The following SARM1 variants were observed in gnomAD, a reference collection of about 807,000 sequenced individuals.
The protein encoded by SARM1 is sterile alpha and TIR motif containing 1.
In SARM1, 60 loss-of-function variants were observed where a neutral mutation model predicts 65.1. That is an observed-to-expected ratio of 0.92 (90% CI 0.75 to 1.14). The LOEUF (loss-of-function observed/expected upper bound fraction) is 1.14. Ranked by LOEUF, SARM1 falls within the 50% of genes most tolerant of loss-of-function variation. SARM1 has a pLI of 0.00. For missense variants in SARM1, 913 were observed against 1,015.7 expected (o/e 0.90, Z 1.37); for synonymous variants, 417 against 465.4 (o/e 0.90, Z 1.34).
At position 28,391,940 on chromosome 17, in the gene SARM1, G is replaced by A. The variant is rs147494421; in HGVS notation, c.1923+3401G>A. On this transcript the variant is annotated intron_variant, in intron 7 of 8. Transcript: ENST00000585482. ...TCGCTATGTCACCCAGGCTGGTCCC[G>A]AACTCCTGAGCTCAAGCCTGGAGTT... Among the ~76,000 whole-genome samples the A allele has an allele frequency of 4.9e-4, 69 of 141,646 alleles. 1 individual carries two copies. The East Asian group carries it at 0.014, about 28-fold the overall frequency. The allele number at this position is 141,646 out of a possible 152,430, so 92.9% of individuals were successfully genotyped here.
chr17:28,394,496 C>T (rs1271673012), intron 7 of SARM1, among the ~76,000 whole-genome samples: 2 of 152,212 alleles, frequency 1.3e-5, no homozygotes, highest in Admixed American at 1.3e-4. Flanking sequence ...CTGGGTATCC[C>T]GCAATTCAAT....
rs782421919 is a variant in SARM1, at chr17:28,385,149, A to G, written c.1504A>G (p.Thr502Ala). 2 of 1,613,104 alleles carry G rather than the reference A, an allele frequency of 1.2e-6. No individual in the cohort carries two copies. Among genetic ancestry groups the G allele is most frequent in the Non-Finnish European group, 8.5e-7 (1 of 1,179,750 alleles). Residue 502 changes from threonine (T) to alanine (A), a missense_variant, in exon 5 of 9, where the codon ACC becomes GCC. By Grantham distance (58) the Thr-to-Ala change is moderately conservative. Transcript: ENST00000585482. The surrounding 1 kb of genome is among the most constrained non-coding windows in gnomAD (Gnocchi z 4.5). ...CCTGGACCCGCGCTTCCGCCAGTAC[A>G]CCTACGGCCTGGTCAGCTGCGGCCT... ...GSLDPRFRQY[T>A]YGLVSCGLDR...
rs2068042696 is a variant in SARM1 at position 28,384,934 on chromosome 17, C to G, written c.1394+4C>G. On this transcript the variant is annotated splice_donor_region_variant and intron_variant, in intron 4 of 8. Coordinates refer to ENST00000585482, the MANE Select transcript of SARM1 (RefSeq NM_015077.4). The surrounding 1 kb of genome is among the most constrained non-coding windows in gnomAD (Gnocchi z 4.4). ...AATCGGGCATCACCCGCAAGAGGTA[C>G]GGAGCCTCCTGCCCGCCGGACCCCA... 6.4e-7 allele frequency: 1 copy of G among 1,570,008 alleles called. No homozygotes were observed. The highest frequency in any genetic ancestry group is 8.6e-7 in the Non-Finnish European group (1 of 1,157,562).
Position 28,400,594 on chromosome 17 carries a change from C to T in SARM1, c.*4308C>T. The stretch of plus-strand genomic sequence containing the variant: ...AAGGGCTCCATTATGAGCATGGGTT[C>T]AGGGCCCTGCATTACCCAATCAGAA... On this transcript the variant is annotated 3_prime_UTR_variant, in exon 9 of 9. Coordinates refer to ENST00000585482, the MANE Select transcript of SARM1 (RefSeq NM_015077.4). 1.2e-6 allele frequency: 2 copies of T among 1,613,446 alleles called. No homozygotes were observed. The highest frequency in any genetic ancestry group is 1.7e-6 in the Non-Finnish European group (2 of 1,179,704).
chr17:28,391,727 A>AAG (rs59822059), intron 7 of SARM1, among the ~76,000 whole-genome samples: 55,874 of 114,860 alleles, frequency 0.49, 15,101 homozygotes, highest in East Asian at 0.68. Context: ...AAAAAAAAAA[A>AAG]AGAGAGAGAG....
Position 28,372,562 on chromosome 17 carries a change from C to A in SARM1, c.470+60C>A. The A allele has an allele frequency of 7.4e-7, 1 of 1,347,970 alleles. No homozygotes were observed. Among genetic ancestry groups the A allele is most frequent in the African/African-American group, 1.5e-5 (1 of 66,112 alleles). 83.5% of individuals were successfully genotyped at this position (1,347,970 alleles called of 1,614,324 possible). A position where few individuals can be genotyped will look rare whatever the true frequency, so the allele number is the denominator to read the frequency against. ...CGTGGTGTGGACAGTTAAGCGCCTG[C>A]GTTCCCGTGTGCCTTGCGCCGTGCC... On this transcript the variant is annotated intron_variant, in intron 1 of 8. Transcript: ENST00000585482. The surrounding 1 kb of genome is among the most constrained non-coding windows in gnomAD (Gnocchi z 5.2).
chr17:28,384,331 C>T lies in SARM1; in HGVS notation c.1090-26C>T. On this transcript the variant is annotated intron_variant, in intron 2 of 8. Transcript: ENST00000585482. This position sits in a 1 kb window ranked among gnomAD's most constrained non-coding sequence, Gnocchi z 4.4. ...GCACCTGGAGAGCTGGTGGGACCTA[C>T]AGCCCTCTCCCCACTCCCTCCCTAG... The T allele has an allele frequency of 6.5e-7, 1 of 1,538,540 alleles. No individual in the cohort carries two copies. Among genetic ancestry groups the T allele is most frequent in the Non-Finnish European group, 8.8e-7 (1 of 1,139,886 alleles).
Position 28,400,583 on chromosome 17 carries a change from G to A in SARM1, c.*4297G>A, listed in dbSNP as rs576590466. On this transcript the variant is annotated 3_prime_UTR_variant, in exon 9 of 9. Transcript: ENST00000585482. The stretch of plus-strand genomic sequence containing the variant: ...CTTTTAAGAGAAAGGGCTCCATTAT[G>A]AGCATGGGTTCAGGGCCCTGCATTA... 11 of 1,612,796 alleles carry A rather than the reference G, an allele frequency of 6.8e-6. No individual in the cohort carries two copies. In the Admixed American group the frequency reaches 8.3e-5, roughly 12 times the overall value.
chr17:28,386,471 C>T (rs1433510432), intron 5 of SARM1: 1 of 151,566 alleles, frequency 6.6e-6, no homozygotes, highest in African/African-American at 2.4e-5. Context: ...TTCCCACAGT[C>T]ATAAAAGTCA....
At position 28,384,895 on chromosome 17, in the gene SARM1, C is replaced by T. The variant is rs1555585750; in HGVS notation, c.1359C>T (p.Thr453=). 2.6e-6 allele frequency: 4 copies of T among 1,562,868 alleles called. No individual in the cohort carries two copies. Among genetic ancestry groups the T allele is most frequent in the Non-Finnish European group, 3.5e-6 (4 of 1,153,698 alleles). The change falls in exon 4 of 9, where the codon ACC becomes ACT. Residue 453 remains threonine, a synonymous_variant. Transcript: ENST00000585482. The surrounding 1 kb of genome is among the most constrained non-coding windows in gnomAD (Gnocchi z 4.4). ...LLRLTEEELQ[T]DLGMKSGITR... is the part of the protein sequence containing the mutation. The stretch of plus-strand genomic sequence containing the variant: ...GGCTCACGGAGGAGGAACTCCAGAC[C>T]GACCTGGGCATGAAATCGGGCATCA...
chr17:28,399,747 T>C lies in SARM1; in HGVS notation c.*3461T>C. The C allele has an allele frequency of 6.2e-7, 1 of 1,612,738 alleles. No homozygotes were observed. The highest frequency in any genetic ancestry group is 1.1e-5 in the South Asian group (1 of 91,038). The stretch of plus-strand genomic sequence containing the variant: ...GACCAGAGAGAGAGTTTGGATTTCA[T>C]GTGGGGAACCCTCAAGGCCTGTCTG... On this transcript the variant is annotated 3_prime_UTR_variant, in exon 9 of 9. Coordinates refer to ENST00000585482, the MANE Select transcript of SARM1 (RefSeq NM_015077.4).
chr17:28,395,530 T>C (rs1296283401), intron 7 of SARM1: 2 of 191,006 alleles, frequency 1.0e-5, no homozygotes, highest in Non-Finnish European at 2.2e-5. Flanking sequence ...GGCTGGGAGG[T>C]GGGGCTGAAA....
rs113635549 is a variant in SARM1, at chr17:28,371,760, A to C, written c.-273A>C. 37,578 of 348,908 alleles carry C rather than the reference A, an allele frequency of 0.11. 2,430 individuals are homozygous for C. Among genetic ancestry groups the C allele is most frequent in the East Asian group, 0.18 (4,086 of 22,630 alleles). The allele number at this position is 348,908 out of a possible 1,614,324, so 21.6% of individuals were successfully genotyped here. On this transcript the variant is annotated 5_prime_UTR_variant, in exon 1 of 9. Coordinates refer to ENST00000585482, the MANE Select transcript of SARM1 (RefSeq NM_015077.4). Reference sequence around the variant, plus strand: ...TTCCAGCCGCCGCCTCCTCTACCCTACGGCGTCCGGAGCCATCCCTCGCCT... The same window carrying C: ...TTCCAGCCGCCGCCTCCTCTACCCTCCGGCGTCCGGAGCCATCCCTCGCCT...
Position 28,385,477 on chromosome 17 carries a change from G to T in SARM1, c.1630+202G>T, listed in dbSNP as rs897630739. 5.2e-6 allele frequency: 3 copies of T among 577,978 alleles called. No homozygotes were observed. Among genetic ancestry groups the T allele is most frequent in the Admixed American group, 6.9e-5 (2 of 29,196 alleles). The allele number at this position is 577,978 out of a possible 1,614,324, so 35.8% of individuals were successfully genotyped here. A position where few individuals can be genotyped will look rare whatever the true frequency, so the allele number is the denominator to read the frequency against. ...AGTTCCCAGTCTGAGGTGGGTAGGC[G>T]GTGGGAGGAAGGAGGCTATTAAACA... On this transcript the variant is annotated intron_variant, in intron 5 of 8. Transcript: ENST00000585482. The surrounding 1 kb of genome is among the most constrained non-coding windows in gnomAD (Gnocchi z 4.5).
rs182767096 is a variant in SARM1 at position 28,403,187 on chromosome 17, C to T, written c.*6901C>T. 2 of 152,348 alleles carry T rather than the reference C, an allele frequency of 1.3e-5. No individual in the cohort carries two copies. The highest frequency in any genetic ancestry group is 4.8e-5 in the African/African-American group (2 of 41,550). 9.4% of individuals were successfully genotyped at this position (152,348 alleles called of 1,614,324 possible). A position where few individuals can be genotyped will look rare whatever the true frequency, so the allele number is the denominator to read the frequency against. On this transcript the variant is annotated 3_prime_UTR_variant, in exon 9 of 9. Transcript: ENST00000585482. ...GTGGTACTGACTTTGGACTTCTGGC[C>T]TCCAGAACTGTGAGAGAATATGTTT...
rs941403266 is a variant in SARM1, at chr17:28,400,832, C to T, written c.*4546C>T. 8.8e-5 allele frequency: 127 copies of T among 1,442,158 alleles called. No individual in the cohort carries two copies. Among genetic ancestry groups the T allele is most frequent in the Non-Finnish European group, 1.1e-4 (116 of 1,051,228 alleles). The allele number at this position is 1,442,158 out of a possible 1,614,324, so 89.3% of individuals were successfully genotyped here. ...CCATATTCCAACTCTGGCACCACCA[C>T]CTCACAGCTGTGTGACCGGGAGTAG... is the stretch of plus-strand genomic sequence containing the variant. On this transcript the variant is annotated 3_prime_UTR_variant, in exon 9 of 9. Transcript: ENST00000585482.
chr17:28,385,264 C>A lies in SARM1; in HGVS notation c.1619C>A (p.Thr540Lys). The A allele has an allele frequency of 6.4e-7, 1 of 1,555,124 alleles. No individual in the cohort carries two copies. Residue 540 changes from threonine (T) to lysine (K), a missense_variant, in exon 5 of 9, where the codon ACG becomes AAG. By Grantham distance (78) the Thr-to-Lys change is moderately conservative. Around this residue, in one of 3 missense-constraint regions of SARM1, gnomAD observed 862 missense variants for 952.1 expected, o/e 0.91. Coordinates refer to ENST00000585482, the MANE Select transcript of SARM1 (RefSeq NM_015077.4). This position sits in a 1 kb window ranked among gnomAD's most constrained non-coding sequence, Gnocchi z 4.5. The part of the protein sequence containing the change: ...HLGVHRARIL[T>K]AAREMLHSPL... ...GGCGTGCACCGCGCCCGCATCCTCACGGCGGCCAGAGGTCAGCCCGCTCAC... is the reference window on the plus strand; with the variant it reads ...GGCGTGCACCGCGCCCGCATCCTCAAGGCGGCCAGAGGTCAGCCCGCTCAC...
At chr17:28,390,467 C>A in intron 7 of SARM1, among the ~76,000 whole-genome samples, 1 of 152,138 alleles carries the variant, frequency 6.6e-6, no homozygotes, top group South Asian at 2.1e-4. Context: ...CCACAAGAGA[C>A]AAACTTGTGG....
intron 2 of SARM1, among the ~76,000 whole-genome samples, chr17:28,382,770 A>T (rs2142429760): frequency 6.6e-6 from 1 of 152,274 alleles, no homozygotes; most frequent in Middle Eastern, 3.4e-3. Flanking sequence ...GGCTGGCATC[A>T]AACTCTCAGG....
Sources: allele counts gnomAD v4.1 joint callset (sites outside exome capture counted in the v4.1 genomes callset), GRCh38; gene constraint gnomAD v4.1.1; regional missense constraint gnomAD v4.1.1; non-coding constraint Gnocchi (gnomAD v3.1); transcripts MANE v1.5; gene names NCBI Gene and HGNC (gene_info 2026-07-23, HGNC 2026-07-21).